Variants in FGF5 observed in about 807,000 individuals in gnomAD.
FGF5 encodes fibroblast growth factor 5, also known as heparin-binding growth factor 5.
In FGF5, 23 loss-of-function variants were observed where a neutral mutation model predicts 21.8. The ratio of observed to expected loss-of-function variants is 1.05; its 90% CI spans 0.76 to 1.49. The LOEUF (loss-of-function observed/expected upper bound fraction) is 1.49, where lower values mean the gene tolerates loss of function less well. Among genes scored for constraint, FGF5 ranks in the 40% most tolerant of loss-of-function variants. The pLI, the probability that FGF5 is intolerant of heterozygous loss-of-function variation, is 0.00. For synonymous variants in FGF5, 158 were observed against 124.0 expected, an observed-to-expected ratio of 1.27 and a Z score of -1.82; for missense variants, 352 against 332.9, an observed-to-expected ratio of 1.06 and a Z score of -0.45.
intron 2 of FGF5, among the ~76,000 whole-genome samples, chr4:80,277,257 G>C (rs1156371684): frequency 1.3e-5 from 2 of 152,110 alleles, no homozygotes; most frequent in Admixed American, 1.3e-4. Context: ...CTTTTAAACA[G>C]TACAAAGCAA....
intron 2 of FGF5, among the ~76,000 whole-genome samples, chr4:80,283,512 A>G (rs1004777785): frequency 6.6e-6 from 1 of 152,122 alleles, no homozygotes; most frequent in African/African-American, 2.4e-5. Flanking sequence ...AAAAAAAGAA[A>G]TGCTGTGGTG....
rs34844153 is a variant in FGF5, at chr4:80,286,124, A to G, written c.460-201A>G. Reference sequence around the variant, plus strand: ...GGGAACAGAAATGTGTTACAAAGATAAATGAAGTAGAAATATAGAAAGAAA... The same window carrying G: ...GGGAACAGAAATGTGTTACAAAGATGAATGAAGTAGAAATATAGAAAGAAA... On this transcript the variant is annotated intron_variant, in intron 2 of 2. Transcript: ENST00000312465. Among the ~76,000 whole-genome samples the G allele has an allele frequency of 4.7e-3, 718 of 152,354 alleles. 2 individuals carry two copies. The highest frequency in any genetic ancestry group is 0.015 in the African/African-American group (607 of 41,584).
chr4:80,275,049 T>C, intron 2 of FGF5, 37 bp downstream of exon 2: 1 of 858,762 alleles, frequency 1.2e-6, no homozygotes, highest in South Asian at 1.8e-5. Flanking sequence ...AAAGGTGCTA[T>C]AAAGATTTTA....
chr4:80,288,688 G>A lies in FGF5; in HGVS notation c.*2016G>A, dbSNP rs10006753. The A allele has an allele frequency of 0.12, 18,320 of 152,480 alleles. 3,284 individuals are homozygous for A. The highest frequency in any genetic ancestry group is 0.39 in the African/African-American group (16,148 of 41,426). The allele number at this position is 152,480 out of a possible 1,614,324, so 9.4% of individuals were successfully genotyped here. On this transcript the variant is annotated 3_prime_UTR_variant, in exon 3 of 3. Coordinates refer to ENST00000312465, the MANE Select transcript of FGF5 (RefSeq NM_004464.4). Reference sequence around the variant, plus strand: ...ATGAAAAATTTTAGCTGCCAAACAGGAACTAGTAAACATATGTTCCTAATA... The same window carrying A: ...ATGAAAAATTTTAGCTGCCAAACAGAAACTAGTAAACATATGTTCCTAATA...
At chr4:80,278,239 T>G (rs1720468411) in intron 2 of FGF5, among the ~76,000 whole-genome samples, 1 of 152,180 alleles carries the variant, frequency 6.6e-6, no homozygotes. Context: ...CTGTGGCACA[T>G]CATTAGAATA....
chr4:80,283,931 T>C (rs1720637967), intron 2 of FGF5, among the ~76,000 whole-genome samples: 1 of 152,240 alleles, frequency 6.6e-6, no homozygotes, highest in Non-Finnish European at 1.5e-5. Context: ...GATTATCTAA[T>C]TAAATGGGAA....
intron 2 of FGF5, among the ~76,000 whole-genome samples, chr4:80,278,079 T>A (rs577074163): frequency 6.6e-6 from 1 of 152,288 alleles, no homozygotes; most frequent in Non-Finnish European, 1.5e-5. Context: ...TTCTCTTTCT[T>A]TTTAAATGCT....
rs766535527 is a variant in FGF5 at position 80,266,977 on chromosome 4, T to C, written c.153T>C (p.Ser51=). The change falls in exon 1 of 3, where the codon AGT becomes AGC. Residue 51 remains serine, a synonymous_variant. Coordinates refer to ENST00000312465, the MANE Select transcript of FGF5 (RefSeq NM_004464.4). Reference sequence around the variant, plus strand: ...GCTCCAGCAGCAGACAGAGCAGCAGTAGCGCTATGTCTTCCTCTTCTGCCT... The same window carrying C: ...GCTCCAGCAGCAGACAGAGCAGCAGCAGCGCTATGTCTTCCTCTTCTGCCT... ...PRGSSSRQSS[S]SAMSSSSASS... 6.2e-7 allele frequency: 1 copy of C among 1,614,208 alleles called. No homozygotes were observed. The highest frequency in any genetic ancestry group is 2.2e-5 in the East Asian group (1 of 44,876).
At chr4:80,282,614 A>G (rs1175782235) in intron 2 of FGF5, among the ~76,000 whole-genome samples, 3 of 152,194 alleles carry the variant, frequency 2.0e-5, no homozygotes, top group Admixed American at 6.5e-5. Flanking sequence ...TTAGTGAAAA[A>G]TGAATATGAA....
In FGF5 at chr4:80,286,516, A is replaced by T. The variant is rs151173058; in HGVS notation, c.651A>T (p.Pro217=). ...KPQHISTHFL[P]RFKQSEQPEL... Reference sequence around the variant, plus strand: ...AGCATATCTCTACCCATTTTCTGCCAAGATTCAAGCAGTCGGAGCAGCCAG... The same window carrying T: ...AGCATATCTCTACCCATTTTCTGCCTAGATTCAAGCAGTCGGAGCAGCCAG... The change falls in exon 3 of 3, where the codon CCA becomes CCT. Residue 217 remains proline, a synonymous_variant. Coordinates refer to ENST00000312465, the MANE Select transcript of FGF5 (RefSeq NM_004464.4). The T allele has an allele frequency of 2.5e-6, 4 of 1,613,974 alleles. No individual in the cohort carries two copies. In the African/African-American group the frequency reaches 5.3e-5, roughly 22 times the overall value.
chr4:80,269,284 A>T (rs1560497391), intron 1 of FGF5, among the ~76,000 whole-genome samples: 2 of 152,192 alleles, frequency 1.3e-5, no homozygotes, highest in Non-Finnish European at 2.9e-5. Flanking sequence ...AGCAGGTTGG[A>T]GCCCAGGGAG....
intron 2 of FGF5, among the ~76,000 whole-genome samples, chr4:80,280,661 C>G (rs1011285666): frequency 6.6e-6 from 1 of 152,144 alleles, no homozygotes; most frequent in Non-Finnish European, 1.5e-5. Context: ...ATCCTAATAG[C>G]AGCCATGGAA....
intron 2 of FGF5, among the ~76,000 whole-genome samples, chr4:80,282,208 C>T (rs185268402): frequency 2.6e-5 from 4 of 152,266 alleles, no homozygotes; most frequent in Non-Finnish European, 4.4e-5. Flanking sequence ...AAGATCCACC[C>T]GCCTTGGCCT....
Position 80,288,155 on chromosome 4 carries a change from A to G in FGF5, c.*1483A>G, listed in dbSNP as rs1248358452. ...TAACAAAAGGGTTCATAGAAACTTC[A>G]TGGTTTGCATTTAAACATGTTTAAA... On this transcript the variant is annotated 3_prime_UTR_variant, in exon 3 of 3. Transcript: ENST00000312465. 3 of 152,188 alleles carry G rather than the reference A, an allele frequency of 2.0e-5. No homozygotes were observed. Among genetic ancestry groups the G allele is most frequent in the Non-Finnish European group, 2.9e-5 (2 of 68,010 alleles). The allele number at this position is 152,188 out of a possible 1,614,324, so 9.4% of individuals were successfully genotyped here.
chr4:80,271,499 T>C (rs145044047), intron 1 of FGF5, among the ~76,000 whole-genome samples: 15 of 152,270 alleles, frequency 9.9e-5, no homozygotes, highest in African/African-American at 3.4e-4. Context: ...TTAATGTGAA[T>C]TTATTTACAC....
intron 2 of FGF5, among the ~76,000 whole-genome samples, chr4:80,278,894 A>G (rs2109924786): frequency 6.7e-6 from 1 of 148,848 alleles, no homozygotes; most frequent in South Asian, 2.2e-4. Context: ...AATCATCAAG[A>G]GCAGGAGGAG....
In FGF5 at chr4:80,286,808, AAT is replaced by A; in HGVS notation, c.*137_*138del. On this transcript the variant is annotated 3_prime_UTR_variant, in exon 3 of 3. Transcript: ENST00000312465. Reference sequence around the variant, plus strand: ...GTATTGAAGTCACGTCATTTGTTTCAATGTGACTGAAACAAAATGTTTTTTGA... The same window carrying A: ...GTATTGAAGTCACGTCATTTGTTTCAGTGACTGAAACAAAATGTTTTTTGA... 3.0e-6 allele frequency: 2 copies of A among 667,684 alleles called. No individual in the cohort carries two copies. The highest frequency in any genetic ancestry group is 2.5e-6 in the Non-Finnish European group (1 of 398,962). The allele number at this position is 667,684 out of a possible 1,614,324, so 41.4% of individuals were successfully genotyped here. A position where few individuals can be genotyped will look rare whatever the true frequency, so the allele number is the denominator to read the frequency against.
In FGF5 at chr4:80,274,821, G is replaced by T; in HGVS notation, c.356-88G>T. The stretch of plus-strand genomic sequence containing the variant: ...TCTTTTTTAAAATCACAATAATAAA[G>T]AATGGAAAGAATCTATGTAGAAATT... On this transcript the variant is annotated intron_variant, in intron 1 of 2. Coordinates refer to ENST00000312465, the MANE Select transcript of FGF5 (RefSeq NM_004464.4). 2 of 654,468 alleles carry T rather than the reference G, an allele frequency of 3.1e-6. 1 individual carries two copies. The highest frequency in any genetic ancestry group is 5.4e-6 in the Non-Finnish European group (2 of 372,352). 40.5% of individuals were successfully genotyped at this position (654,468 alleles called of 1,614,324 possible).
chr4:80,279,766 A>G (rs911009507), intron 2 of FGF5, among the ~76,000 whole-genome samples: 26 of 152,338 alleles, frequency 1.7e-4, no homozygotes, highest in Admixed American at 1.6e-3. Flanking sequence ...TAATTAGGGA[A>G]AAACATGTTA....
Sources: allele counts gnomAD v4.1 joint callset (sites outside exome capture counted in the v4.1 genomes callset), GRCh38; gene constraint gnomAD v4.1.1; transcripts MANE v1.5; gene names NCBI Gene and HGNC (gene_info 2026-07-23, HGNC 2026-07-21).